The following TTR variants were observed in gnomAD, a reference collection of about 807,000 sequenced individuals.
The protein encoded by TTR is epididymis luminal protein 111.
Under a neutral mutation model 13.7 loss-of-function variants are expected in TTR, and 8 were observed. The observed-to-expected ratio is 0.58, with a 90% CI of 0.34 to 1.05. The LOEUF is 1.05. Among genes scored for constraint, TTR ranks in the 50% least tolerant of loss-of-function variants. The pLI is 0.02. For missense variants in TTR, 135 were observed against 185.5 expected (o/e 0.73, Z 1.58); for synonymous variants, 75 against 71.7 (o/e 1.05, Z -0.23).
intron 3 of TTR, 155 bp from the exon 4 acceptor site, chr18:31,598,413 A>G: frequency 2.6e-6 from 2 of 774,832 alleles, no homozygotes; most frequent in South Asian, 1.5e-5. Flanking sequence ...GCTTGCCAGC[A>G]TATTTGAGCT....
chr18:31,595,669 G>C, intron 3 of TTR: 1 of 361,304 alleles, frequency 2.8e-6, no homozygotes, highest in Non-Finnish European at 5.4e-6. Flanking sequence ...TCGGAGGTCT[G>C]GACAAGTGAT....
intron 1 of TTR, among the ~76,000 whole-genome samples, chr18:31,592,221 T>C (rs530803163): frequency 6.6e-6 from 1 of 152,320 alleles, no homozygotes; most frequent in Non-Finnish European, 1.5e-5. Context: ...GGTACCTCTG[T>C]TTCCTCAGAT....
At chr18:31,593,226 T>C (rs111643992) in intron 2 of TTR, 200 bp downstream of exon 2, 1 of 615,348 alleles carries the variant, frequency 1.6e-6, no homozygotes. Context: ...CTGAGCATCA[T>C]TTAGGGGCAG....
chr18:31,593,454 T>G (rs2073497220), intron 2 of TTR: 1 of 244,080 alleles, frequency 4.1e-6, no homozygotes, highest in African/African-American at 2.2e-5. Context: ...TGTCCTTGTC[T>G]TAGAATTTTA....
intron 3 of TTR, among the ~76,000 whole-genome samples, chr18:31,596,784 C>T (rs181035574): frequency 2.0e-4 from 30 of 152,174 alleles, no homozygotes; most frequent in African/African-American, 6.5e-4. Context: ...TGAAGTAAGA[C>T]AGATTAAGCA....
At chr18:31,592,015 G>C in intron 1 of TTR, 44 bp downstream of exon 1, 1 of 1,600,596 alleles carries the variant, frequency 6.2e-7, no homozygotes, top group Non-Finnish European at 8.6e-7. Flanking sequence ...TAAGATTCAC[G>C]CTAAATGAAG....
At chr18:31,593,987 C>T (rs1023224217) in intron 2 of TTR, among the ~76,000 whole-genome samples, 7 of 152,120 alleles carry the variant, frequency 4.6e-5, no homozygotes, top group African/African-American at 1.4e-4. Context: ...TTTCTTAGGT[C>T]TGGTTTTAAC....
At position 31,595,501 on chromosome 18, in the gene TTR, T is replaced by C. The variant is rs137995483; in HGVS notation, c.336+246T>C. On this transcript the variant is annotated intron_variant, in intron 3 of 3. Transcript: ENST00000237014. ...CTTACATGAAACTACTCATAGTCTA[T>C]TCATTCCACTTTATATGAATATTGA... The C allele has an allele frequency of 6.8e-4, 423 of 621,560 alleles. 2 individuals carry two copies. The East Asian group carries it at 0.014, about 21-fold the overall frequency. The allele number at this position is 621,560 out of a possible 1,614,324, so 38.5% of individuals were successfully genotyped here.
In TTR at chr18:31,598,568, G is replaced by C; in HGVS notation, c.337G>C (p.Val113Leu). 6.2e-7 allele frequency: 1 copy of C among 1,614,074 alleles called. No individual in the cohort carries two copies. The highest frequency in any genetic ancestry group is 8.5e-7 in the Non-Finnish European group (1 of 1,180,006). The change falls in exon 4 of 4, where the codon GTG becomes CTG. Residue 113 changes from valine to leucine, a missense_variant and splice_region_variant. Transcript: ENST00000237014. Reference sequence around the variant, plus strand: ...TGGATCTGTCTGTCTTCTCTCATAGGTGGTATTCACAGCCAACGACTCCGG... The same window carrying C: ...TGGATCTGTCTGTCTTCTCTCATAGCTGGTATTCACAGCCAACGACTCCGG... ...GISPFHEHAE[V>L]VFTANDSGPR...
intron 3 of TTR, chr18:31,595,481 A>G: frequency 1.5e-6 from 1 of 664,522 alleles, no homozygotes; most frequent in Non-Finnish European, 2.8e-6. Flanking sequence ...TTGAACTTAC[A>G]TGAAACTACT....
intron 3 of TTR, chr18:31,598,197 A>G (rs1598846473): frequency 5.6e-6 from 2 of 354,554 alleles, no homozygotes; most frequent in East Asian, 1.4e-4. Flanking sequence ...GGCAGCCACT[A>G]TTGCAGCAGC....
intron 3 of TTR, chr18:31,596,137 T>C (rs978858532): frequency 6.5e-6 from 1 of 154,624 alleles, no homozygotes; most frequent in Middle Eastern, 5.2e-4. Flanking sequence ...CTTAATTTCT[T>C]AAGTCATTTG....
At chr18:31,593,073 G>C in intron 2 of TTR, 47 bp downstream of exon 2, 1 of 1,610,838 alleles carries the variant, frequency 6.2e-7, no homozygotes, top group Non-Finnish European at 8.5e-7. Flanking sequence ...TTATCTTCCC[G>C]TTTGCCCCTC....
At chr18:31,597,661 C>T (rs950859151) in intron 3 of TTR, among the ~76,000 whole-genome samples, 1 of 152,294 alleles carries the variant, frequency 6.6e-6, no homozygotes, top group African/African-American at 2.4e-5. Context: ...AACCCAAGGC[C>T]TGTATACAAA....
chr18:31,594,474 G>A (rs1015110914), intron 2 of TTR, among the ~76,000 whole-genome samples: 1 of 152,190 alleles, frequency 6.6e-6, no homozygotes, highest in Non-Finnish European at 1.5e-5. Flanking sequence ...GGAGAGGAGC[G>A]AGATCCTGCT....
At position 31,591,888 on chromosome 18, in the gene TTR, C is replaced by T. The variant is rs746692906; in HGVS notation, c.-15C>T. 34 of 1,614,012 alleles carry T rather than the reference C, an allele frequency of 2.1e-5. No homozygotes were observed. Among genetic ancestry groups the T allele is most frequent in the Non-Finnish European group, 2.9e-5 (34 of 1,179,992 alleles). The stretch of plus-strand genomic sequence containing the variant: ...TGGGAGCAGCCATCACAGAAGTCCA[C>T]TCATTCTTGGCAGGATGGCTTCTCA... On this transcript the variant is annotated 5_prime_UTR_variant, in exon 1 of 4. Transcript: ENST00000237014.
chr18:31,598,533 C>G (rs1160585481), intron 3 of TTR, 35 bp from the exon 4 acceptor site: 1 of 1,611,326 alleles, frequency 6.2e-7, no homozygotes. Context: ...TTTTCGGGCT[C>G]TGGTGGAAAT....
At chr18:31,592,765 G>A (rs954259407) in intron 1 of TTR, 131 bp from the exon 2 acceptor site, 16 of 1,229,682 alleles carry the variant, frequency 1.3e-5, no homozygotes, top group African/African-American at 6.0e-5. Flanking sequence ...ATTAATTGTC[G>A]ACACTTACGT....
In TTR at chr18:31,598,751, A is replaced by C; in HGVS notation, c.*76A>C. On this transcript the variant is annotated 3_prime_UTR_variant, in exon 4 of 4. Transcript: ENST00000237014. ...ACCAAGAGTATTCCATTTTTACTAA[A>C]GCAGTGTTTTCACCTCATATGCTAT... 2 of 1,492,870 alleles carry C rather than the reference A, an allele frequency of 1.3e-6. No individual in the cohort carries two copies. Among genetic ancestry groups the C allele is most frequent in the Non-Finnish European group, 1.9e-6 (2 of 1,078,712 alleles). 92.5% of individuals were successfully genotyped at this position (1,492,870 alleles called of 1,614,324 possible).
Sources: allele counts gnomAD v4.1 joint callset (sites outside exome capture counted in the v4.1 genomes callset), GRCh38; gene constraint gnomAD v4.1.1; transcripts MANE v1.5; gene names NCBI Gene and HGNC (gene_info 2026-07-23, HGNC 2026-07-21).